The following ARIH2 variants were observed in gnomAD, a reference collection of about 807,000 sequenced individuals.
The protein encoded by ARIH2 is E3 ubiquitin-protein ligase ARIH2.
ARIH2 carries 12 observed loss-of-function variants against 79.8 expected under a neutral mutation model. That is an observed-to-expected ratio of 0.15 (90% CI 0.10 to 0.24). The LOEUF (loss-of-function observed/expected upper bound fraction) is 0.24. ARIH2 is among the 10% of genes least tolerant of loss of function. ARIH2 has a pLI of 1.00. For synonymous variants in ARIH2, 224 were observed against 213.9 expected (o/e 1.05, Z -0.41); for missense variants, 301 against 618.3 (o/e 0.49, Z 5.44).
chr3:48,948,331 C>G (rs1374182053), intron 3 of ARIH2, among the ~76,000 whole-genome samples: 3 of 149,936 alleles, frequency 2.0e-5, no homozygotes, highest in Admixed American at 2.0e-4. Context: ...TGCAATGGCG[C>G]GATCTCGGCT....
At position 48,967,202 on chromosome 3, in the gene ARIH2, C is replaced by G. The variant is rs1211668522; in HGVS notation, c.465C>G (p.Ala155=). The G allele has an allele frequency of 6.2e-7, 1 of 1,614,242 alleles. No homozygotes were observed. Among genetic ancestry groups the G allele is most frequent in the Non-Finnish European group, 8.5e-7 (1 of 1,180,052 alleles). Residue 155 remains alanine (A), a synonymous_variant, in exon 6 of 16, where the codon GCC becomes GCG. Transcript: ENST00000356401. ...FVRKENLLSL[A]CQHQFCRSCW... is the part of the protein sequence containing the mutation. ...GAAAGGAAAACCTACTCTCTCTGGC[C>G]TGTCAGCACCAGTTTTGCCGCAGCT...
In ARIH2 at chr3:48,986,248, G is replaced by C. The variant is rs891460612; in HGVS notation, c.*2978G>C. On this transcript the variant is annotated 3_prime_UTR_variant, in exon 16 of 16. Coordinates refer to ENST00000356401, the MANE Select transcript of ARIH2 (RefSeq NM_006321.4). Reference sequence around the variant, plus strand: ...CCCACGCTTGGCACCTGGGCATACAGTGGTATGCAAGTGATTCACGTGCTC... The same window carrying C: ...CCCACGCTTGGCACCTGGGCATACACTGGTATGCAAGTGATTCACGTGCTC... The C allele has an allele frequency of 1.3e-5, 2 of 152,234 alleles. No homozygotes were observed. The highest frequency in any genetic ancestry group is 2.4e-5 in the African/African-American group (1 of 41,448). The allele number at this position is 152,234 out of a possible 1,614,324, so 9.4% of individuals were successfully genotyped here.
intron 3 of ARIH2, among the ~76,000 whole-genome samples, chr3:48,949,999 T>C (rs2089746832): frequency 6.6e-6 from 1 of 152,116 alleles, no homozygotes; most frequent in Admixed American, 6.5e-5. Flanking sequence ...TAGAAATCTT[T>C]GCCTAAACTA....
At chr3:48,939,468 T>A (rs372682998) in intron 3 of ARIH2, among the ~76,000 whole-genome samples, 1 of 150,814 alleles carries the variant, frequency 6.6e-6, no homozygotes, top group Admixed American at 6.6e-5. Flanking sequence ...AAATTTGAAG[T>A]AATAATTAGC....
chr3:48,927,829 A>G lies in ARIH2; in HGVS notation c.255+16A>G, dbSNP rs765234482. ...TGTCCTAAAGGTGAGCAGTGTTGTAAACTCCAGTGTAATCCCCCCCAGTTA... is the reference window on the plus strand; with the variant it reads ...TGTCCTAAAGGTGAGCAGTGTTGTAGACTCCAGTGTAATCCCCCCCAGTTA... On this transcript the variant is annotated intron_variant, in intron 3 of 15. Transcript: ENST00000356401. 6.2e-7 allele frequency: 1 copy of G among 1,612,840 alleles called. No individual in the cohort carries two copies. Among genetic ancestry groups the G allele is most frequent in the Non-Finnish European group, 8.5e-7 (1 of 1,179,062 alleles).
Position 48,927,507 on chromosome 3 carries a change from GA to G in ARIH2, c.-51del, listed in dbSNP as rs2085792275. The G allele has an allele frequency of 3.8e-6, 6 of 1,585,508 alleles. No individual in the cohort carries two copies. Among genetic ancestry groups the G allele is most frequent in the Non-Finnish European group, 5.1e-6 (6 of 1,167,964 alleles). On this transcript the variant is annotated 5_prime_UTR_variant, in exon 3 of 16. Coordinates refer to ENST00000356401, the MANE Select transcript of ARIH2 (RefSeq NM_006321.4). ...TTTGAGAAAGCGGTAGTTTTGGGGGGAGGGGGAAAAAGCAACTGCTTTCCTG... is the reference window on the plus strand; with the variant it reads ...TTTGAGAAAGCGGTAGTTTTGGGGGGGGGGGAAAAAGCAACTGCTTTCCTG...
At chr3:48,953,388 T>A (rs1249013358) in intron 3 of ARIH2, among the ~76,000 whole-genome samples, 1 of 152,174 alleles carries the variant, frequency 6.6e-6, no homozygotes. Context: ...TTATTAAACA[T>A]GATTATTCAT....
intron 9 of ARIH2, 48 bp downstream of exon 9, chr3:48,973,864 C>T (rs921496259): frequency 4.3e-6 from 6 of 1,395,068 alleles, no homozygotes; most frequent in Non-Finnish European, 6.1e-6. Context: ...CTTAGTGCTG[C>T]CCAGGGCCTT....
chr3:48,935,943 C>T (rs1338447684), intron 3 of ARIH2, among the ~76,000 whole-genome samples: 1 of 152,090 alleles, frequency 6.6e-6, no homozygotes, highest in Non-Finnish European at 1.5e-5. Flanking sequence ...ATTATTTTAC[C>T]TTCCCCTAGA....
At chr3:48,968,987 G>A (rs1469773749) in intron 7 of ARIH2, among the ~76,000 whole-genome samples, 2 of 151,994 alleles carry the variant, frequency 1.3e-5, no homozygotes, top group East Asian at 1.9e-4. Flanking sequence ...AGGTTTAAGC[G>A]ATTCTCCTGC....
chr3:48,931,837 G>C (rs1207268839), intron 3 of ARIH2, among the ~76,000 whole-genome samples: 1 of 151,994 alleles, frequency 6.6e-6, no homozygotes, highest in Non-Finnish European at 1.5e-5. Flanking sequence ...TGAAAAACCT[G>C]TCTTTACTAA....
At chr3:48,932,720 A>G (rs1214380000) in intron 3 of ARIH2, among the ~76,000 whole-genome samples, 2 of 152,122 alleles carry the variant, frequency 1.3e-5, no homozygotes, top group African/African-American at 4.8e-5. Flanking sequence ...CCCTCATCTT[A>G]GCATCATGTT....
intron 3 of ARIH2, among the ~76,000 whole-genome samples, chr3:48,942,736 C>G (rs1489012139): frequency 6.6e-6 from 1 of 151,098 alleles, no homozygotes; most frequent in African/African-American, 2.4e-5. Flanking sequence ...GCTGCAACCT[C>G]CGCCTCCCAG....
rs192697587 is a variant in ARIH2 at position 48,937,119 on chromosome 3, T to C, written c.255+9306T>C. Among the ~76,000 whole-genome samples, 229 of 152,346 alleles carry C rather than the reference T, an allele frequency of 1.5e-3. 1 individual carries two copies. Among genetic ancestry groups the C allele is most frequent in the Admixed American group, 0.012 (184 of 15,302 alleles). ...AGGCAGGATGAGCAAGGGGTTTGTT[T>C]GGAGATTTTAAAAGGAAAACAGAGC... On this transcript the variant is annotated intron_variant, in intron 3 of 15. Transcript: ENST00000356401.
chr3:48,983,125 G>A (rs1388301228), intron 15 of ARIH2, 74 bp from the exon 16 acceptor site: 6 of 1,565,044 alleles, frequency 3.8e-6, no homozygotes, highest in Non-Finnish European at 5.3e-6. Flanking sequence ...GTCCTGGAGG[G>A]TGTTTGTGGC....
At chr3:48,929,941 A>T (rs1311571880) in intron 3 of ARIH2, among the ~76,000 whole-genome samples, 1 of 152,212 alleles carries the variant, frequency 6.6e-6, no homozygotes, top group Non-Finnish European at 1.5e-5. Flanking sequence ...TGTAGCAGAG[A>T]TGAGGGAATA....
intron 3 of ARIH2, among the ~76,000 whole-genome samples, chr3:48,937,307 A>T (rs1313060064): frequency 6.6e-6 from 1 of 152,132 alleles, no homozygotes; most frequent in African/African-American, 2.4e-5. Context: ...AATCTTTCTA[A>T]TGCCATCAAG....
intron 3 of ARIH2, among the ~76,000 whole-genome samples, chr3:48,936,754 G>A (rs969546248): frequency 1.2e-4 from 18 of 148,004 alleles, no homozygotes; most frequent in African/African-American, 1.0e-4. Flanking sequence ...AACAGGCCGG[G>A]CGCTGTGGCT....
intron 11 of ARIH2, 122 bp from the exon 12 acceptor site, chr3:48,979,360 C>G (rs1362824834): frequency 1.2e-5 from 12 of 1,015,502 alleles, no homozygotes; most frequent in Admixed American, 2.4e-5. Context: ...AAGAGGCACC[C>G]TTGGGAAGTT....
Sources: gnomAD v4.1 joint callset for allele counts (sites outside exome capture counted in the v4.1 genomes callset) on GRCh38, gnomAD v4.1.1 for gene constraint, MANE v1.5 for transcripts, NCBI Gene and HGNC (gene_info 2026-07-23, HGNC 2026-07-21) for gene names.